Variants in GLCE observed in about 807,000 individuals in gnomAD.
GLCE encodes the protein D-glucuronyl C5-epimerase.
A neutral mutation model predicts 47.9 loss-of-function variants in GLCE; 19 were observed. That is an observed-to-expected ratio of 0.40 (90% CI 0.28 to 0.58). GLCE has a LOEUF of 0.58. Ranked by LOEUF, GLCE falls within the 20% of genes least tolerant of loss-of-function variation. GLCE has a pLI of 0.48. For missense variants in GLCE, 556 were observed against 743.3 expected (o/e 0.75, Z 2.93); for synonymous variants, 245 against 263.4 (o/e 0.93, Z 0.68).
At chr15:69,188,009 A>G (rs1478797185) in intron 1 of GLCE, among the ~76,000 whole-genome samples, 4 of 152,142 alleles carry the variant, frequency 2.6e-5, no homozygotes, top group Non-Finnish European at 5.9e-5. Context: ...GGTTGTAGTG[A>G]TCAGAGCTCG....
At chr15:69,184,435 C>T (rs1009254588) in intron 1 of GLCE, among the ~76,000 whole-genome samples, 1 of 152,114 alleles carries the variant, frequency 6.6e-6, no homozygotes, top group Non-Finnish European at 1.5e-5. Context: ...AATTTTTTCA[C>T]CTAGTTTATA....
At chr15:69,219,807 T>C (rs1365840473) in intron 2 of GLCE, among the ~76,000 whole-genome samples, 3 of 152,124 alleles carry the variant, frequency 2.0e-5, no homozygotes, top group Non-Finnish European at 2.9e-5. Context: ...ATTCATAATG[T>C]TGTGCATCCA....
At chr15:69,261,432 C>A in intron 4 of GLCE, 103 bp downstream of exon 4, 2 of 1,081,662 alleles carry the variant, frequency 1.8e-6, no homozygotes, top group Non-Finnish European at 2.7e-6. Flanking sequence ...ATAAGCAGAC[C>A]CTTTATATTA....
intron 1 of GLCE, among the ~76,000 whole-genome samples, chr15:69,191,953 T>C (rs2051919335): frequency 1.3e-5 from 2 of 152,188 alleles, no homozygotes; most frequent in Admixed American, 1.3e-4. Context: ...TGATGACTTA[T>C]CTTTGCTCCA....
chr15:69,226,383 T>TC (rs1318880835), intron 2 of GLCE, among the ~76,000 whole-genome samples: 1 of 152,244 alleles, frequency 6.6e-6, no homozygotes, highest in Admixed American at 6.5e-5. Context: ...AAAGATCTGA[T>TC]AAGCCTTCTG....
intron 2 of GLCE, among the ~76,000 whole-genome samples, chr15:69,254,150 G>A (rs2052887926): frequency 6.6e-6 from 1 of 152,140 alleles, no homozygotes; most frequent in Admixed American, 6.6e-5. Flanking sequence ...AAAATTAGTT[G>A]TTGATTCACA....
At chr15:69,267,371 C>T (rs923957447) in intron 4 of GLCE, among the ~76,000 whole-genome samples, 47 of 152,252 alleles carry the variant, frequency 3.1e-4, no homozygotes, top group African/African-American at 1.1e-3. Context: ...CAAAGAGGTG[C>T]ATCTTGCCAG....
rs554587995 is a variant in GLCE, at chr15:69,271,345, C to T, written c.*2101C>T. On this transcript the variant is annotated 3_prime_UTR_variant, in exon 5 of 5. Transcript: ENST00000261858. ...CCAGTGGTTCTCAAACTTTAAAATG[C>T]CTCAGCATCACTTGGGAGCTTATTG... 1 of 152,750 alleles carries T rather than the reference C, an allele frequency of 6.5e-6. No homozygotes were observed. The highest frequency in any genetic ancestry group is 1.9e-4 in the East Asian group (1 of 5,192). The allele number at this position is 152,750 out of a possible 1,614,324, so 9.5% of individuals were successfully genotyped here. A position where few individuals can be genotyped will look rare whatever the true frequency, so the allele number is the denominator to read the frequency against.
intron 2 of GLCE, among the ~76,000 whole-genome samples, chr15:69,222,254 G>A (rs1288731918): frequency 2.0e-5 from 3 of 152,194 alleles, no homozygotes; most frequent in Admixed American, 6.5e-5. Flanking sequence ...GGCAGCACGG[G>A]TCCATGGGCT....
chr15:69,210,122 C>T (rs775939250), intron 1 of GLCE, among the ~76,000 whole-genome samples, 194 bp from the exon 2 acceptor site: 1 of 152,048 alleles, frequency 6.6e-6, no homozygotes, highest in South Asian at 2.1e-4. Flanking sequence ...AATGGTAAAC[C>T]TGTGGTTGCT....
intron 2 of GLCE, among the ~76,000 whole-genome samples, chr15:69,251,504 C>G (rs1187998626): frequency 6.6e-6 from 1 of 152,160 alleles, no homozygotes; most frequent in African/African-American, 2.4e-5. Context: ...TGAGGGATTA[C>G]ATAATGCTAA....
At chr15:69,259,556 A>G (rs1200213579) in intron 3 of GLCE, among the ~76,000 whole-genome samples, 1 of 152,120 alleles carries the variant, frequency 6.6e-6, no homozygotes, top group Admixed American at 6.6e-5. Flanking sequence ...CTAATTTTAA[A>G]CCTTTTTCCC....
At chr15:69,229,374 A>T (rs2052489697) in intron 2 of GLCE, among the ~76,000 whole-genome samples, 1 of 152,228 alleles carries the variant, frequency 6.6e-6, no homozygotes, top group Admixed American at 6.5e-5. Flanking sequence ...GCCATAGCAC[A>T]GGAAGAGGGA....
chr15:69,167,098 C>A (rs1347198844), intron 1 of GLCE, among the ~76,000 whole-genome samples: 1 of 151,994 alleles, frequency 6.6e-6, no homozygotes, highest in African/African-American at 2.4e-5. Context: ...CACCTGTAAT[C>A]CCAGGTACTC....
chr15:69,227,088 G>A (rs546618165), intron 2 of GLCE, among the ~76,000 whole-genome samples: 3 of 152,100 alleles, frequency 2.0e-5, no homozygotes, highest in Non-Finnish European at 4.4e-5. Context: ...TCGGATGTTA[G>A]TAGGGAAAAA....
intron 1 of GLCE, among the ~76,000 whole-genome samples, chr15:69,208,778 G>C (rs1237054351): frequency 6.6e-6 from 1 of 152,004 alleles, no homozygotes; most frequent in Non-Finnish European, 1.5e-5. Flanking sequence ...TACTTACTCA[G>C]ATTTTCCTGA....
intron 4 of GLCE, chr15:69,266,773 A>C: frequency 3.4e-6 from 3 of 878,794 alleles, no homozygotes; most frequent in Non-Finnish European, 4.1e-6. Flanking sequence ...TCTTTTTCAC[A>C]GTCTGAACCT....
chr15:69,221,721 G>GACGT (rs946084104), intron 2 of GLCE, among the ~76,000 whole-genome samples: 2 of 151,992 alleles, frequency 1.3e-5, no homozygotes, highest in Non-Finnish European at 2.9e-5. Flanking sequence ...ACATTAGCTG[G>GACGT]ACGTGGTGGT....
chr15:69,220,229 T>C (rs1248200056), intron 2 of GLCE, among the ~76,000 whole-genome samples: 4 of 152,172 alleles, frequency 2.6e-5, no homozygotes, highest in African/African-American at 4.8e-5. Flanking sequence ...TTTAGGGATA[T>C]ACTGAGAAGT....
Sources: gnomAD v4.1 joint callset for allele counts (sites outside exome capture counted in the v4.1 genomes callset) on GRCh38, gnomAD v4.1.1 for gene constraint, MANE v1.5 for transcripts, NCBI Gene and HGNC (gene_info 2026-07-23, HGNC 2026-07-21) for gene names.